The following PSD2 variants were observed in gnomAD, a reference collection of about 807,000 sequenced individuals.
PSD2 encodes the protein PH and SEC7 domain-containing protein 2.
Under a neutral mutation model 69.8 loss-of-function variants are expected in PSD2, and 38 were observed. The ratio of observed to expected loss-of-function variants is 0.54; its 90% CI spans 0.42 to 0.71. PSD2 has a LOEUF of 0.71. Among genes scored for constraint, PSD2 ranks in the 30% least tolerant of loss-of-function variants. The pLI is 0.00. For synonymous variants in PSD2, 412 were observed against 423.0 expected (o/e 0.97, Z 0.32); for missense variants, 943 against 1,014.5 (o/e 0.93, Z 0.96).
the PSD2 span, among the ~76,000 whole-genome samples, chr5:139,775,003 A>T: frequency 6.6e-6 from 1 of 152,066 alleles, no homozygotes; most frequent in Non-Finnish European, 1.5e-5. Context: ...TCGAGACCGT[A>T]CTGTGCCGCC....
At chr5:139,784,957 G>T in the PSD2 span, among the ~76,000 whole-genome samples, 37 of 151,850 alleles carry the variant, frequency 2.4e-4, no homozygotes, top group East Asian at 7.0e-3. Context: ...CAGGGTTTTA[G>T]CATGTTGGCC....
the PSD2 span, among the ~76,000 whole-genome samples, chr5:139,774,032 C>T: frequency 2.0e-5 from 3 of 152,030 alleles, no homozygotes; most frequent in African/African-American, 7.2e-5. Context: ...TACATCATAG[C>T]TCACTGCAGC....
At chr5:139,787,634 G>A in the PSD2 span, among the ~76,000 whole-genome samples, 7 of 152,216 alleles carry the variant, frequency 4.6e-5, no homozygotes, top group Admixed American at 1.3e-4. Context: ...ACCAGCAGGT[G>A]GCGCCCCGAC....
chr5:139,837,876 G>A lies in PSD2; in HGVS notation c.1823+94G>A. ...CTCTCCTTCCCGTGAGTCAGCAACA[G>A]AGCATGTGTATCCACATGACACAGA... On this transcript the variant is annotated intron_variant, in intron 12 of 14. Coordinates refer to ENST00000274710, the MANE Select transcript of PSD2 (RefSeq NM_032289.4). This position sits in a 1 kb window ranked among gnomAD's most constrained non-coding sequence, Gnocchi z 5.0. 7.9e-7 allele frequency: 1 copy of A among 1,260,986 alleles called. No individual in the cohort carries two copies. Among genetic ancestry groups the A allele is most frequent in the African/African-American group, 1.5e-5 (1 of 66,900 alleles). The allele number at this position is 1,260,986 out of a possible 1,614,324, so 78.1% of individuals were successfully genotyped here. A position where few individuals can be genotyped will look rare whatever the true frequency, so the allele number is the denominator to read the frequency against.
At chr5:139,776,101 T>G in the PSD2 span, among the ~76,000 whole-genome samples, 1 of 152,180 alleles carries the variant, frequency 6.6e-6, no homozygotes. Context: ...CCCATCACCA[T>G]GGTAACGACA....
the PSD2 span, among the ~76,000 whole-genome samples, chr5:139,781,498 G>A: frequency 6.6e-6 from 1 of 151,810 alleles, no homozygotes; most frequent in Non-Finnish European, 1.5e-5. Flanking sequence ...ACCACGCCCG[G>A]CTAATTTTTT....
At chr5:139,796,277 C>T (rs1455305945) in intron 1 of PSD2, among the ~76,000 whole-genome samples, 1 of 152,110 alleles carries the variant, frequency 6.6e-6, no homozygotes, top group African/African-American at 2.4e-5. Context: ...TGGGGGCTGC[C>T]GGGCCGATTG....
chr5:139,767,102 A>C, the PSD2 span, among the ~76,000 whole-genome samples: 4 of 147,384 alleles, frequency 2.7e-5, no homozygotes, highest in Admixed American at 2.0e-4. Flanking sequence ...ACACCATTCT[A>C]CTGCCTCAGC....
chr5:139,810,434 C>A (rs1219508556), intron 2 of PSD2, among the ~76,000 whole-genome samples: 3 of 152,164 alleles, frequency 2.0e-5, no homozygotes, highest in Non-Finnish European at 4.4e-5. Flanking sequence ...GAAAAGAAAG[C>A]ATTTAGAAGT....
At chr5:139,763,365 G>C in the PSD2 span, among the ~76,000 whole-genome samples, 2 of 152,104 alleles carry the variant, frequency 1.3e-5, no homozygotes, top group Non-Finnish European at 2.9e-5. Flanking sequence ...TTAAGCCCTG[G>C]CTCCCCCTGG....
chr5:139,788,183 C>A, the PSD2 span, among the ~76,000 whole-genome samples: 2 of 151,756 alleles, frequency 1.3e-5, no homozygotes, highest in Admixed American at 6.5e-5. Flanking sequence ...CCCCGCGCCC[C>A]CCCCCGAACC....
At position 139,813,675 on chromosome 5, in the gene PSD2, A is replaced by C; in HGVS notation, c.738A>C (p.Gly246=). Residue 246 remains glycine, a synonymous_variant, in exon 3 of 15, where the codon GGA becomes GGC. Transcript: ENST00000274710. Reference sequence around the variant, plus strand: ...TGTCTCTCATGGCCATGCCCAATGGATTCCATGAAGATGGCCCTCAGGGCC... The same window carrying C: ...TGTCTCTCATGGCCATGCCCAATGGCTTCCATGAAGATGGCCCTCAGGGCC... ...SRLSLMAMPN[G]FHEDGPQGPG... The C allele has an allele frequency of 6.2e-7, 1 of 1,613,874 alleles. No individual in the cohort carries two copies.
chr5:139,826,834 C>G (rs921287545), intron 7 of PSD2, among the ~76,000 whole-genome samples: 1 of 152,194 alleles, frequency 6.6e-6, no homozygotes, highest in African/African-American at 2.4e-5. Flanking sequence ...AGCCTGGCTT[C>G]CCCTACATGG....
Position 139,825,006 on chromosome 5 carries a change from C to G in PSD2, c.1269+2222C>G, listed in dbSNP as rs1046820981. The stretch of plus-strand genomic sequence containing the variant: ...AGATGGGTGCAGTCTGGTTGAGGAA[C>G]TGGGGAGGATTTGTGTAGAAGAGGC... On this transcript the variant is annotated intron_variant, in intron 7 of 14. Transcript: ENST00000274710. Among the ~76,000 whole-genome samples the G allele has an allele frequency of 2.0e-4, 31 of 152,272 alleles. No homozygotes were observed. In the Middle Eastern group the frequency reaches 0.01, roughly 50 times the overall value.
chr5:139,779,843 G>T, the PSD2 span, among the ~76,000 whole-genome samples: 1 of 152,160 alleles, frequency 6.6e-6, no homozygotes, highest in African/African-American at 2.4e-5. Context: ...TCCTGTTGTT[G>T]CATGTATCAG....
At chr5:139,753,897 T>C in the PSD2 span, among the ~76,000 whole-genome samples, 9 of 151,794 alleles carry the variant, frequency 5.9e-5, no homozygotes, top group Non-Finnish European at 1.0e-4. Flanking sequence ...AGTGCAATGG[T>C]GCAATCTTGG....
chr5:139,807,390 G>A (rs1236991828), intron 1 of PSD2, among the ~76,000 whole-genome samples: 1 of 147,338 alleles, frequency 6.8e-6, no homozygotes, highest in Admixed American at 6.8e-5. Flanking sequence ...TTGAGAAAGT[G>A]ACTTCTTGTT....
At chr5:139,794,234 A>G (rs145880553), upstream of PSD2, among the ~76,000 whole-genome samples, 135 of 152,344 alleles carry the variant, frequency 8.9e-4, 1 homozygote, top group Middle Eastern at 6.8e-3. Context: ...TCCTGGGATC[A>G]TGAGCAAGTG....
At chr5:139,756,278 C>T in the PSD2 span, among the ~76,000 whole-genome samples, 1 of 152,238 alleles carries the variant, frequency 6.6e-6, no homozygotes, top group African/African-American at 2.4e-5. Context: ...GCCTCCGCCG[C>T]GCGGCGTAAT....
Sources: gnomAD v4.1 joint callset for allele counts (sites outside exome capture counted in the v4.1 genomes callset) on GRCh38, gnomAD v4.1.1 for gene constraint, Gnocchi (gnomAD v3.1) non-coding constraint, MANE v1.5 for transcripts, NCBI Gene and HGNC (gene_info 2026-07-23, HGNC 2026-07-21) for gene names.